The following PTPRE variants were observed in gnomAD, a reference collection of about 807,000 sequenced individuals.
PTPRE encodes receptor-type tyrosine-protein phosphatase epsilon.
Under a neutral mutation model 102.0 loss-of-function variants are expected in PTPRE, and 51 were observed. The ratio of observed to expected loss-of-function variants is 0.50; its 90% CI spans 0.40 to 0.63. PTPRE has a LOEUF of 0.63. PTPRE is among the 30% of genes least tolerant of loss of function. The probability of loss-of-function intolerance (pLI) is 0.00; values close to 1 mark genes in which losing one functional copy is unlikely to be tolerated. For missense variants in PTPRE, 752 were observed against 915.1 expected, an observed-to-expected ratio of 0.82 and a Z score of 2.30; for synonymous variants, 345 against 348.2, an observed-to-expected ratio of 0.99 and a Z score of 0.10.
rs1043223485 is a variant in PTPRE, at chr10:128,013,726, A to G, written c.-7-27149A>G. ...TGAGGACACAGCAAAAAGGTCTTGAACAGGCAGAGGGCCCTCCCCAGACAC... is the reference window on the plus strand; with the variant it reads ...TGAGGACACAGCAAAAAGGTCTTGAGCAGGCAGAGGGCCCTCCCCAGACAC... On this transcript the variant is annotated intron_variant, in intron 2 of 20. Coordinates refer to ENST00000254667, the MANE Select transcript of PTPRE (RefSeq NM_006504.6). Among the ~76,000 whole-genome samples the G allele has an allele frequency of 5.9e-5, 9 of 152,150 alleles. No homozygotes were observed. The South Asian group carries it at 1.5e-3, about 25-fold the overall frequency.
intron 6 of PTPRE, among the ~76,000 whole-genome samples, chr10:128,055,226 C>A (rs1189382944): frequency 1.3e-5 from 2 of 152,204 alleles, no homozygotes; most frequent in Non-Finnish European, 2.9e-5. Context: ...TCAAGAGGCT[C>A]TTCACACTGT....
chr10:127,932,157 A>C (rs1404400523), intron 1 of PTPRE, among the ~76,000 whole-genome samples: 1 of 152,244 alleles, frequency 6.6e-6, no homozygotes, highest in Non-Finnish European at 1.5e-5. Flanking sequence ...TTTTTATTTG[A>C]ATTCAACTTA....
chr10:128,019,514 A>G (rs1351861250), intron 2 of PTPRE, among the ~76,000 whole-genome samples: 1 of 152,188 alleles, frequency 6.6e-6, no homozygotes, highest in South Asian at 2.1e-4. Flanking sequence ...TAAAATACTC[A>G]GAGTCCAGGG....
intron 2 of PTPRE, among the ~76,000 whole-genome samples, chr10:128,013,225 C>A (rs1314758105): frequency 6.6e-6 from 1 of 152,134 alleles, no homozygotes; most frequent in East Asian, 1.9e-4. Context: ...AAGTGTGTAG[C>A]CTTACCAAAT....
intron 12 of PTPRE, chr10:128,069,490 G>C (rs550363873): frequency 1.6e-6 from 1 of 626,958 alleles, no homozygotes; most frequent in Non-Finnish European, 2.8e-6. Context: ...GTAGAGTGTC[G>C]GTGGCTATCA....
chr10:128,045,033 C>A (rs1167541678), intron 3 of PTPRE, among the ~76,000 whole-genome samples: 2 of 152,224 alleles, frequency 1.3e-5, no homozygotes, highest in East Asian at 3.9e-4. Flanking sequence ...CATGGGGAGT[C>A]CCAACTCTCG....
At chr10:127,957,563 C>A (rs994091088) in intron 1 of PTPRE, among the ~76,000 whole-genome samples, 1 of 152,196 alleles carries the variant, frequency 6.6e-6, no homozygotes, top group Non-Finnish European at 1.5e-5. Context: ...CAGAAAGGCT[C>A]TCCATTCTGT....
intron 1 of PTPRE, among the ~76,000 whole-genome samples, chr10:127,911,789 C>A (rs1457774705): frequency 6.6e-6 from 1 of 152,140 alleles, no homozygotes; most frequent in Non-Finnish European, 1.5e-5. Context: ...CCCGTGGGTA[C>A]ATGTAGCGTG....
chr10:128,005,765 A>G lies in PTPRE; in HGVS notation c.-8+23469A>G, dbSNP rs1453111802. Among the ~76,000 whole-genome samples the G allele has an allele frequency of 2.0e-5, 3 of 152,176 alleles. No homozygotes were observed. The East Asian group carries it at 5.8e-4, about 29-fold the overall frequency. ...CAGTTTACTGGAAATGTAATGGCTA[A>G]AACAATAGAGGTGTGTGGTCCCGCA... On this transcript the variant is annotated intron_variant, in intron 2 of 20. Coordinates refer to ENST00000254667, the MANE Select transcript of PTPRE (RefSeq NM_006504.6).
intron 1 of PTPRE, among the ~76,000 whole-genome samples, chr10:127,927,032 G>A (rs1215783888): frequency 6.6e-6 from 1 of 151,730 alleles, no homozygotes; most frequent in African/African-American, 2.4e-5. Flanking sequence ...GGCCAGTCTC[G>A]AACTCCTGAC....
At chr10:128,036,404 T>A (rs973372944) in intron 2 of PTPRE, among the ~76,000 whole-genome samples, 2 of 152,138 alleles carry the variant, frequency 1.3e-5, no homozygotes, top group Non-Finnish European at 2.9e-5. Flanking sequence ...CAACCTTTCA[T>A]CTTCAGTAAC....
chr10:128,056,913 G>A (rs888191514), intron 7 of PTPRE, among the ~76,000 whole-genome samples: 7 of 152,010 alleles, frequency 4.6e-5, no homozygotes, highest in South Asian at 4.2e-4. Flanking sequence ...GTTCTGAACC[G>A]CCTTTGTAAG....
chr10:128,052,144 C>T (rs1001188263), intron 6 of PTPRE, among the ~76,000 whole-genome samples: 1 of 152,338 alleles, frequency 6.6e-6, no homozygotes, highest in Admixed American at 6.5e-5. Context: ...ATGCAGCACC[C>T]GTCCTCTGAG....
chr10:128,006,402 C>T lies in PTPRE; in HGVS notation c.-8+24106C>T, dbSNP rs74814025. ...TAATCACCTAATCAACTTGTAGGTGCCTCTCAGGTACTTAACGTTGACTTG... is the reference window on the plus strand; with the variant it reads ...TAATCACCTAATCAACTTGTAGGTGTCTCTCAGGTACTTAACGTTGACTTG... On this transcript the variant is annotated intron_variant, in intron 2 of 20. Transcript: ENST00000254667. Among the ~76,000 whole-genome samples the T allele has an allele frequency of 6.5e-3, 988 of 152,322 alleles. 5 individuals are homozygous for T. Among genetic ancestry groups the T allele is most frequent in the Non-Finnish European group, 0.011 (727 of 68,022 alleles).
chr10:128,017,695 G>T (rs1282363824), intron 2 of PTPRE, among the ~76,000 whole-genome samples: 1 of 152,108 alleles, frequency 6.6e-6, no homozygotes, highest in Non-Finnish European at 1.5e-5. Context: ...CGGTGACCAG[G>T]ACCCGCCAAT....
chr10:127,987,418 C>A (rs2135488843), intron 2 of PTPRE: 6 of 1,125,888 alleles, frequency 5.3e-6, no homozygotes, highest in Non-Finnish European at 5.9e-6. Flanking sequence ...TCAGAGGGGT[C>A]TTTCTTGTCT....
At chr10:127,955,296 A>G (rs1849318271) in intron 1 of PTPRE, among the ~76,000 whole-genome samples, 1 of 151,184 alleles carries the variant, frequency 6.6e-6, no homozygotes, top group African/African-American at 2.5e-5. Context: ...GTACATACAT[A>G]CATACATACA....
chr10:127,939,912 G>C (rs1282325882), intron 1 of PTPRE, among the ~76,000 whole-genome samples: 1 of 150,622 alleles, frequency 6.6e-6, no homozygotes, highest in African/African-American at 2.4e-5. Context: ...GCAGGCAGAT[G>C]TAGGCAGGTG....
chr10:128,065,720 G>T (rs1396441506), intron 10 of PTPRE, among the ~76,000 whole-genome samples: 2 of 152,214 alleles, frequency 1.3e-5, no homozygotes, highest in East Asian at 3.9e-4. Context: ...CCTCTAGCCT[G>T]AGGGTCACTT....
Sources: allele counts gnomAD v4.1 joint callset (sites outside exome capture counted in the v4.1 genomes callset), GRCh38; gene constraint gnomAD v4.1.1; transcripts MANE v1.5; gene names NCBI Gene and HGNC (gene_info 2026-07-23, HGNC 2026-07-21).